CAMK4: variants seen among roughly 807,000 people sequenced by gnomAD.
CAMK4 encodes the protein calcium/calmodulin-dependent protein kinase type IV.
In CAMK4, 22 loss-of-function variants were observed where a neutral mutation model predicts 44.9. That is an observed-to-expected ratio of 0.49 (90% CI 0.35 to 0.70). The LOEUF (loss-of-function observed/expected upper bound fraction) is 0.70. CAMK4 is among the 30% of genes least tolerant of loss of function. The probability of loss-of-function intolerance (pLI) is 0.01; values close to 1 mark genes in which losing one functional copy is unlikely to be tolerated. For missense variants in CAMK4, 498 were observed against 586.8 expected (o/e 0.85, Z 1.56); for synonymous variants, 218 against 215.4 (o/e 1.01, Z -0.11).
intron 1 of CAMK4, among the ~76,000 whole-genome samples, chr5:111,338,741 T>G (rs550736329): frequency 7.3e-5 from 11 of 151,562 alleles, no homozygotes; most frequent in African/African-American, 2.4e-4. Flanking sequence ...TGCTTGCTTT[T>G]GTCGAATTGT....
At chr5:111,434,772 A>G (rs1391591206) in intron 5 of CAMK4, among the ~76,000 whole-genome samples, 1 of 152,204 alleles carries the variant, frequency 6.6e-6, no homozygotes, top group Non-Finnish European at 1.5e-5. Context: ...ATTTATGTGT[A>G]CTCACTCTAA....
At chr5:111,299,396 C>T (rs889364246) in intron 1 of CAMK4, among the ~76,000 whole-genome samples, 2 of 152,178 alleles carry the variant, frequency 1.3e-5, no homozygotes, top group Non-Finnish European at 2.9e-5. Flanking sequence ...TGTGATTCCT[C>T]GAGTGTTTTC....
intron 1 of CAMK4, among the ~76,000 whole-genome samples, chr5:111,258,136 C>G (rs1749817877): frequency 6.6e-6 from 1 of 152,216 alleles, no homozygotes; most frequent in African/African-American, 2.4e-5. Flanking sequence ...AACCCACACA[C>G]TCTGCAGTGT....
intron 2 of CAMK4, among the ~76,000 whole-genome samples, chr5:111,349,635 A>T (rs1750009822): frequency 6.6e-6 from 1 of 152,020 alleles, no homozygotes; most frequent in African/African-American, 2.4e-5. Context: ...TTGAAGAATG[A>T]CATCATTATG....
At chr5:111,370,324 C>A (rs924265521) in intron 2 of CAMK4, among the ~76,000 whole-genome samples, 1 of 151,946 alleles carries the variant, frequency 6.6e-6, no homozygotes, top group African/African-American at 2.4e-5. Flanking sequence ...ATGTAATATG[C>A]CCTATACAAC....
chr5:111,327,232 C>T (rs1748935038), intron 1 of CAMK4, among the ~76,000 whole-genome samples: 5 of 150,888 alleles, frequency 3.3e-5, no homozygotes. Flanking sequence ...TTGTTCAATT[C>T]CCACCTATGA....
chr5:111,234,124 T>A (rs76616780), intron 1 of CAMK4, among the ~76,000 whole-genome samples: 228 of 152,360 alleles, frequency 1.5e-3, no homozygotes, highest in Non-Finnish European at 2.9e-3. Context: ...GGATGGTGAC[T>A]GGGTCAAAGA....
chr5:111,327,461 A>G lies in CAMK4; in HGVS notation c.162-16563A>G, dbSNP rs989771388. ...CTTTGCTATTGTGAATAGTGCTACA[A>G]TAAACATATGTGTGCATGTGTCTTT... is the stretch of plus-strand genomic sequence containing the variant. On this transcript the variant is annotated intron_variant, in intron 1 of 10. Transcript: ENST00000282356. Among the ~76,000 whole-genome samples, 9 of 152,218 alleles carry G rather than the reference A, an allele frequency of 5.9e-5. No individual in the cohort carries two copies. In the South Asian group the frequency reaches 8.3e-4, roughly 14 times the overall value.
At chr5:111,296,946 G>A (rs1747508358) in intron 1 of CAMK4, among the ~76,000 whole-genome samples, 1 of 152,218 alleles carries the variant, frequency 6.6e-6, no homozygotes, top group Non-Finnish European at 1.5e-5. Flanking sequence ...CGAAATTGAT[G>A]TTGATCAGAA....
chr5:111,401,288 G>A (rs1270565974), intron 5 of CAMK4, among the ~76,000 whole-genome samples: 7 of 152,184 alleles, frequency 4.6e-5, no homozygotes, highest in East Asian at 1.9e-4. Flanking sequence ...ACAGGCATGC[G>A]ACACCATGCC....
In CAMK4 at chr5:111,234,585, G is replaced by C. The variant is rs567934610; in HGVS notation, c.161+9941G>C. ...CCAACTGCTGGCTTAGGCAGCTAAA[G>C]GCACTGACCTAAAGTGTTTTGTGGA... On this transcript the variant is annotated intron_variant, in intron 1 of 10. Coordinates refer to ENST00000282356, the MANE Select transcript of CAMK4 (RefSeq NM_001744.6). Among the ~76,000 whole-genome samples the C allele has an allele frequency of 2.6e-5, 4 of 152,324 alleles. No homozygotes were observed. The East Asian group carries it at 7.7e-4, about 29-fold the overall frequency.
chr5:111,436,103 C>T (rs974761730), intron 5 of CAMK4, among the ~76,000 whole-genome samples: 5 of 152,022 alleles, frequency 3.3e-5, no homozygotes, highest in African/African-American at 7.2e-5. Flanking sequence ...ATAAGGATTG[C>T]TACTGAAAAC....
chr5:111,334,652 GATAT>G (rs1749321794), intron 1 of CAMK4, among the ~76,000 whole-genome samples: 1 of 151,594 alleles, frequency 6.6e-6, no homozygotes, highest in African/African-American at 2.4e-5. Flanking sequence ...GTAATGTGAT[GATAT>G]ATAGAGTTGC....
At chr5:111,468,745 C>T (rs1316919235) in intron 7 of CAMK4, among the ~76,000 whole-genome samples, 4 of 152,120 alleles carry the variant, frequency 2.6e-5, no homozygotes, top group African/African-American at 4.8e-5. Flanking sequence ...TTTGGGAGGC[C>T]GAGGCGGGTG....
At chr5:111,432,879 C>A (rs1183948351) in intron 5 of CAMK4, among the ~76,000 whole-genome samples, 1 of 151,780 alleles carries the variant, frequency 6.6e-6, no homozygotes, top group Non-Finnish European at 1.5e-5. Flanking sequence ...TACTAAATAC[C>A]ATGTCCTGTG....
In CAMK4 at chr5:111,420,047, T is replaced by G. The variant is rs866229009; in HGVS notation, c.459+25265T>G. 1.3e-3 allele frequency among the ~76,000 whole-genome samples: 202 copies of G among 152,010 alleles called. 1 individual carries two copies. The highest frequency in any genetic ancestry group is 4.6e-3 in the African/African-American group (190 of 41,448). ...ATTACCTTGGGCAGTATGGCCATTT[T>G]CACGATATTGATTCTTCCTACCCAT... On this transcript the variant is annotated intron_variant, in intron 5 of 10. Transcript: ENST00000282356.
chr5:111,479,098 C>T (rs1755343990), intron 9 of CAMK4, among the ~76,000 whole-genome samples: 1 of 152,122 alleles, frequency 6.6e-6, no homozygotes, highest in African/African-American at 2.4e-5. Context: ...AGGCTGGTCT[C>T]AAACTCCTGC....
intron 1 of CAMK4, among the ~76,000 whole-genome samples, chr5:111,267,837 C>T (rs550865910): frequency 1.4e-5 from 2 of 142,460 alleles, no homozygotes; most frequent in African/African-American, 5.7e-5. Context: ...GCTTTTGATT[C>T]AGTAAATATT....
intron 1 of CAMK4, among the ~76,000 whole-genome samples, chr5:111,328,258 T>G (rs552180269): frequency 1.5e-3 from 230 of 151,572 alleles, no homozygotes; most frequent in African/African-American, 5.4e-3. Context: ...CACCATTTAT[T>G]AAATAGGGAA....
Sources: allele counts gnomAD v4.1 joint callset (sites outside exome capture counted in the v4.1 genomes callset), GRCh38; gene constraint gnomAD v4.1.1; transcripts MANE v1.5; gene names NCBI Gene and HGNC (gene_info 2026-07-23, HGNC 2026-07-21).